The following SEL1L variants were observed in gnomAD, a reference collection of about 807,000 sequenced individuals.
SEL1L encodes the protein SEL1L adaptor subunit of SYVN1 ubiquitin ligase.
Under a neutral mutation model 109.8 loss-of-function variants are expected in SEL1L, and 52 were observed. The observed-to-expected ratio is 0.47, with a 90% confidence interval of 0.38 to 0.60. The LOEUF (loss-of-function observed/expected upper bound fraction) is 0.60, where lower values mean the gene tolerates loss of function less well. Among genes scored for constraint, SEL1L ranks in the 20% least tolerant of loss-of-function variants. The pLI, the probability that SEL1L is intolerant of heterozygous loss-of-function variation, is 0.00. For missense variants in SEL1L, 749 were observed against 962.2 expected, an observed-to-expected ratio of 0.78 and a Z score of 2.93; for synonymous variants, 373 against 339.6, an observed-to-expected ratio of 1.10 and a Z score of -1.08.
At chr14:81,486,106 A>G (rs1446767716) in intron 17 of SEL1L, among the ~76,000 whole-genome samples, 183 bp downstream of exon 17, 1 of 152,218 alleles carries the variant, frequency 6.6e-6, no homozygotes, top group Non-Finnish European at 1.5e-5. Context: ...TCTACAGTCA[A>G]CTCGTTATAA....
intron 3 of SEL1L, among the ~76,000 whole-genome samples, chr14:81,522,488 C>T (rs1187321072): frequency 6.6e-6 from 1 of 152,128 alleles, no homozygotes; most frequent in African/African-American, 2.4e-5. Context: ...CAGCTGAGTA[C>T]GGTATTCAAT....
intron 3 of SEL1L, among the ~76,000 whole-genome samples, chr14:81,521,204 T>C (rs1176431677): frequency 6.6e-6 from 1 of 152,196 alleles, no homozygotes; most frequent in African/African-American, 2.4e-5. Context: ...AAAAGGCCTA[T>C]AAGTAATGAA....
At chr14:81,497,392 G>A (rs1196414272) in intron 10 of SEL1L, among the ~76,000 whole-genome samples, 1 of 152,206 alleles carries the variant, frequency 6.6e-6, no homozygotes, top group Non-Finnish European at 1.5e-5. Context: ...TACTTTGACG[G>A]ACATTATACA....
intron 17 of SEL1L, 36 bp downstream of exon 17, chr14:81,486,253 A>G (rs755344832): frequency 6.2e-7 from 1 of 1,607,380 alleles, no homozygotes; most frequent in Non-Finnish European, 8.5e-7. Context: ...GAACTCGTAC[A>G]TTCTAAACCT....
chr14:81,490,577 A>C, intron 12 of SEL1L, 112 bp from the exon 13 acceptor site: 2 of 809,348 alleles, frequency 2.5e-6, no homozygotes, highest in Non-Finnish European at 4.1e-6. Context: ...CTTTCCAAAA[A>C]ATTTAGAATT....
rs142033506 is a variant in SEL1L, at chr14:81,475,332, A to T, written c.*1640T>A. 7.3e-4 allele frequency: 112 copies of T among 152,726 alleles called. No homozygotes were observed. The highest frequency in any genetic ancestry group is 2.6e-3 in the African/African-American group (108 of 41,564). The allele number at this position is 152,726 out of a possible 1,614,324, so 9.5% of individuals were successfully genotyped here. A position where few individuals can be genotyped will look rare whatever the true frequency, so the allele number is the denominator to read the frequency against. ...ATTTGGAAGCAATTATCTGGGAGGA[A>T]AGTTTTGCTTACCAGGTTTCCCATA... On this transcript the variant is annotated 3_prime_UTR_variant, in exon 21 of 21. Coordinates refer to ENST00000336735, the MANE Select transcript of SEL1L (RefSeq NM_005065.6).
At position 81,473,292 on chromosome 14, in the gene SEL1L, T is replaced by G. The variant is rs1771890800; in HGVS notation, c.*3680A>C. ...GCACATAACCAAGGAATCCTTTTCA[T>G]GCACACAACATTGGACTTTTACTTG... On this transcript the variant is annotated 3_prime_UTR_variant, in exon 21 of 21. Coordinates refer to ENST00000336735, the MANE Select transcript of SEL1L (RefSeq NM_005065.6). 6.6e-6 allele frequency: 1 copy of G among 152,212 alleles called. No individual in the cohort carries two copies. 9.4% of individuals were successfully genotyped at this position (152,212 alleles called of 1,614,324 possible).
At chr14:81,530,745 C>T (rs79376857) in intron 1 of SEL1L, among the ~76,000 whole-genome samples, 2,036 of 152,208 alleles carry the variant, frequency 0.013, 34 homozygotes, top group Middle Eastern at 0.048. Context: ...GTGTCAATGA[C>T]GAGGATATGT....
chr14:81,526,891 A>T lies in SEL1L; in HGVS notation c.182T>A (p.Leu61His), dbSNP rs1885134685. Residue 61 changes from leucine to histidine, a missense_variant, in exon 3 of 21, where the codon CTT (leucine) becomes CAT (histidine). Around this residue, in one of 2 missense-constraint regions of SEL1L, gnomAD observed 366 missense variants for 399.8 expected, o/e 0.92. Transcript: ENST00000336735. ...TTCTAATTCAGATTCTTCTGAATCA[A>T]GAAATATTTGACCAGCAACTACTCT... Reference protein sequence around the residue: ...AGRVVAGQIFLDSEESELESS... With the variant: ...AGRVVAGQIFHDSEESELESS... 6.3e-7 allele frequency: 1 copy of T among 1,598,994 alleles called. No individual in the cohort carries two copies. Among genetic ancestry groups the T allele is most frequent in the African/African-American group, 1.4e-5 (1 of 73,964 alleles).
At chr14:81,525,480 T>C (rs980158201) in intron 3 of SEL1L, among the ~76,000 whole-genome samples, 1 of 151,360 alleles carries the variant, frequency 6.6e-6, no homozygotes, top group Non-Finnish European at 1.5e-5. Context: ...TTATATTTAG[T>C]AAAAATTTTA....
At position 81,485,717 on chromosome 14, in the gene SEL1L, T is replaced by A. The variant is rs1903500197; in HGVS notation, c.1828A>T (p.Thr610Ser). The change falls in exon 18 of 21, where the codon ACT becomes TCT. Residue 610 changes from threonine to serine, a missense_variant. Coordinates refer to ENST00000336735, the MANE Select transcript of SEL1L (RefSeq NM_005065.6). ...CAATGTAGCAAAGCTCTGGGATAAG[T>A]TTCATTCTCACCTACAATGCTTGCT... ...REASIVGENE[T>S]YPRALLHWNR... 6.2e-7 allele frequency: 1 copy of A among 1,613,960 alleles called. No individual in the cohort carries two copies. Among genetic ancestry groups the A allele is most frequent in the Non-Finnish European group, 8.5e-7 (1 of 1,179,976 alleles).
intron 1 of SEL1L, among the ~76,000 whole-genome samples, chr14:81,528,887 C>T (rs144962083): frequency 1.6e-4 from 24 of 152,200 alleles, no homozygotes; most frequent in African/African-American, 4.8e-4. Context: ...TATCAAAGTA[C>T]TGAGTTAAGA....
At chr14:81,516,796 G>A (rs1884718583) in intron 3 of SEL1L, among the ~76,000 whole-genome samples, 1 of 152,176 alleles carries the variant, frequency 6.6e-6, no homozygotes, top group South Asian at 2.1e-4. Context: ...GTTACAATTT[G>A]CCGCTGGGGT....
At chr14:81,506,581 C>T (rs2140025671) in intron 3 of SEL1L, among the ~76,000 whole-genome samples, 1 of 152,304 alleles carries the variant, frequency 6.6e-6, no homozygotes, top group African/African-American at 2.4e-5. Context: ...TTCTACTGCT[C>T]AGCACAGCTC....
chr14:81,501,841 T>C (rs1414936460), intron 6 of SEL1L, among the ~76,000 whole-genome samples: 2 of 152,216 alleles, frequency 1.3e-5, no homozygotes, highest in East Asian at 3.9e-4. Context: ...AAAAATATTT[T>C]ACTTGTATTC....
chr14:81,479,561 A>G (rs1903278338), intron 20 of SEL1L, 51 bp downstream of exon 20: 1 of 1,570,522 alleles, frequency 6.4e-7, no homozygotes, highest in Non-Finnish European at 8.6e-7. Flanking sequence ...AACCTCCAGG[A>G]CAGACCTTCC....
chr14:81,477,337 T>TGTGTGTGTGTG (rs1903196794), intron 20 of SEL1L, among the ~76,000 whole-genome samples, 156 bp from the exon 21 acceptor site: 13 of 60,974 alleles, frequency 2.1e-4, no homozygotes, highest in Non-Finnish European at 3.9e-4. Flanking sequence ...GTGTGTGTGT[T>TGTGTGTGTGTG]TAAAGCGGTT....
At chr14:81,482,776 G>A (rs1246744087) in intron 19 of SEL1L, among the ~76,000 whole-genome samples, 1 of 152,156 alleles carries the variant, frequency 6.6e-6, no homozygotes. Context: ...ATGTCCAAAT[G>A]TGAACAAAGC....
In SEL1L at chr14:81,502,879, A is replaced by G; in HGVS notation, c.619T>C (p.Tyr207His). The G allele has an allele frequency of 6.2e-7, 1 of 1,600,700 alleles. No individual in the cohort carries two copies. The highest frequency in any genetic ancestry group is 8.5e-7 in the Non-Finnish European group (1 of 1,173,812). The change falls in exon 6 of 21, where the codon TAT becomes CAT. Residue 207 changes from tyrosine (Y) to histidine (H), a missense_variant. Tyr to His is a moderately conservative substitution (Grantham distance 83). Transcript: ENST00000336735. ...SNKKSQKREA[Y>H]RYLQKAASMN... ...CTTGCTGCCTTTTGGAGATACCGATATGCTCTTCAAATGTAAACAATTAAA... is the reference window on the plus strand; with the variant it reads ...CTTGCTGCCTTTTGGAGATACCGATGTGCTCTTCAAATGTAAACAATTAAA...
Sources: allele counts gnomAD v4.1 joint callset (sites outside exome capture counted in the v4.1 genomes callset), GRCh38; gene constraint gnomAD v4.1.1; regional missense constraint gnomAD v4.1.1; transcripts MANE v1.5; gene names NCBI Gene and HGNC (gene_info 2026-07-23, HGNC 2026-07-21).